The following ADAP1 variants were observed in gnomAD, a reference collection of about 807,000 sequenced individuals.
ADAP1 encodes the protein ArfGAP with dual PH domains 1, also known as arf-GAP with dual PH domain-containing protein 1.
In ADAP1, 31 loss-of-function variants were observed where a neutral mutation model predicts 54.9. The ratio of observed to expected loss-of-function variants is 0.56; its 90% CI spans 0.42 to 0.76. The LOEUF is 0.76. ADAP1 is among the 30% of genes least tolerant of loss of function. The pLI, the probability that ADAP1 is intolerant of heterozygous loss-of-function variation, is 0.00. For missense variants in ADAP1, 535 were observed against 512.4 expected, an observed-to-expected ratio of 1.04 and a Z score of -0.42; for synonymous variants, 313 against 202.6, an observed-to-expected ratio of 1.55 and a Z score of -4.63.
intron 1 of ADAP1, among the ~76,000 whole-genome samples, chr7:942,914 A>T (rs1273804805): frequency 0.012 from 117 of 9,460 alleles, 4 homozygotes; most frequent in African/African-American, 0.052. Context: ...AGGAAGGGAG[A>T]GAGGAGGAGG....
intron 1 of ADAP1, among the ~76,000 whole-genome samples, chr7:951,208 A>AG (rs1246824974): frequency 6.6e-6 from 1 of 151,928 alleles, no homozygotes; most frequent in East Asian, 1.9e-4. Context: ...CCCCATCTCT[A>AG]CTAAAAATAC....
intron 4 of ADAP1, 81 bp downstream of exon 4, chr7:919,887 G>A: frequency 1.2e-6 from 1 of 863,568 alleles, no homozygotes. Context: ...AGATGGGGGA[G>A]GGAGGGAAAG....
rs532111351 is a variant in ADAP1, at chr7:909,830, G to T, written c.389-4658C>A. Among the ~76,000 whole-genome samples the T allele has an allele frequency of 3.3e-5, 5 of 151,982 alleles. No homozygotes were observed. In the South Asian group the frequency reaches 1.0e-3, roughly 32 times the overall value. On this transcript the variant is annotated intron_variant, in intron 4 of 10. Transcript: ENST00000265846. ...CCGCGCCCTGCTGTGAGCTGGTCCCGCTGTGTGTCGGGTCCTATGGTGTGG... is the reference window on the plus strand; with the variant it reads ...CCGCGCCCTGCTGTGAGCTGGTCCCTCTGTGTGTCGGGTCCTATGGTGTGG...
chr7:934,071 T>C (rs373491255), intron 2 of ADAP1, among the ~76,000 whole-genome samples: 2 of 4,790 alleles, frequency 4.2e-4, no homozygotes. Context: ...AGCCGGGGAC[T>C]GGGGTCAGTG....
rs553945809 is a variant in ADAP1, at chr7:918,000, G to A, written c.388+1968C>T. On this transcript the variant is annotated intron_variant, in intron 4 of 10. Transcript: ENST00000265846. ...CATGGGGTTTCGCCACGTTGCTCAG[G>A]CTGGTCTTGAACTCCTGAGATCAGG... 1.2e-3 allele frequency among the ~76,000 whole-genome samples: 177 copies of A among 152,240 alleles called. 1 individual carries two copies. The highest frequency in any genetic ancestry group is 4.0e-3 in the African/African-American group (166 of 41,544).
At chr7:955,286 A>G (rs1267494152), upstream of ADAP1, 18 of 1,549,476 alleles carry the variant, frequency 1.2e-5, no homozygotes, top group Non-Finnish European at 1.4e-5. Context: ...CCTGGTTTTG[A>G]TGTCACCTCT....
At chr7:923,835 C>T (rs950261069) in intron 3 of ADAP1, among the ~76,000 whole-genome samples, 4 of 152,186 alleles carry the variant, frequency 2.6e-5, no homozygotes, top group Admixed American at 6.5e-5. Flanking sequence ...AACTCAGACC[C>T]GGGCTTGTCC....
intron 2 of ADAP1, chr7:927,344 C>A (rs1846425506): frequency 2.3e-6 from 2 of 882,004 alleles, no homozygotes; most frequent in African/African-American, 1.8e-5. Flanking sequence ...CTGGCAATGA[C>A]CCTGCCGCCA....
intron 1 of ADAP1, among the ~76,000 whole-genome samples, chr7:954,128 G>T (rs975220992): frequency 4.6e-5 from 7 of 152,022 alleles, no homozygotes; most frequent in African/African-American, 1.7e-4. Context: ...GCAGCCCGGC[G>T]GGGGAGGGGA....
chr7:949,008 C>G (rs1228157977), intron 1 of ADAP1, among the ~76,000 whole-genome samples: 1 of 152,136 alleles, frequency 6.6e-6, no homozygotes, highest in Non-Finnish European at 1.5e-5. Flanking sequence ...ACTCACAATT[C>G]TTACTCTACC....
At chr7:908,755 C>G (rs1845584259) in intron 4 of ADAP1, among the ~76,000 whole-genome samples, 1 of 152,212 alleles carries the variant, frequency 6.6e-6, no homozygotes, top group Non-Finnish European at 1.5e-5. Context: ...AGCAGCGGGC[C>G]CAGCGGCGCT....
chr7:939,589 G>A (rs1037314430), intron 1 of ADAP1, among the ~76,000 whole-genome samples: 12 of 151,878 alleles, frequency 7.9e-5, no homozygotes, highest in African/African-American at 2.9e-4. Context: ...CCAGCACTTC[G>A]GGAGGCCAAG....
At chr7:906,732 GGGGACAGAGTACATAGGGGACATGGACA>G (rs1845443419) in intron 4 of ADAP1, among the ~76,000 whole-genome samples, 3 of 34,530 alleles carry the variant, frequency 8.7e-5, no homozygotes, top group Non-Finnish European at 1.2e-4. Context: ...ACGGGACATG[GGGGACAGAGTACATAGGGGACATGGACA>G]GGGGACATGG....
In ADAP1 at chr7:926,867, G is replaced by A. The variant is rs1259448424; in HGVS notation, c.214-223C>T. ...GGAAGGAGCCAGCGTCCCTAACGAC[G>A]GGGTCCCGGCAAAGGGGGCCCAGGG... On this transcript the variant is annotated intron_variant, in intron 2 of 10. Transcript: ENST00000265846. The surrounding 1 kb of genome is among the most constrained non-coding windows in gnomAD (Gnocchi z 4.6). The A allele has an allele frequency of 1.7e-5, 15 of 869,144 alleles. No homozygotes were observed. The highest frequency in any genetic ancestry group is 3.7e-4 in the Middle Eastern group (1 of 2,710). The allele number at this position is 869,144 out of a possible 1,614,324, so 53.8% of individuals were successfully genotyped here.
At chr7:917,726 C>G (rs1464980169) in intron 4 of ADAP1, among the ~76,000 whole-genome samples, 1 of 152,122 alleles carries the variant, frequency 6.6e-6, no homozygotes, top group Non-Finnish European at 1.5e-5. Context: ...CCTAGGCCTC[C>G]CAAGGTGCTT....
intron 1 of ADAP1, among the ~76,000 whole-genome samples, chr7:941,650 C>T (rs1303158415): frequency 6.6e-6 from 1 of 152,046 alleles, no homozygotes; most frequent in Non-Finnish European, 1.5e-5. Context: ...TTAAAGAAGA[C>T]CTACAGATTT....
At chr7:923,309 CAG>C (rs1846256208) in intron 3 of ADAP1, 1 of 151,928 alleles carries the variant, frequency 6.6e-6, no homozygotes, top group African/African-American at 2.4e-5. Context: ...CTGGGATGGG[CAG>C]AGAGGAGCCC....
chr7:905,371 G>GGAAAGGGAAAGGA, intron 4 of ADAP1, 199 bp from the exon 5 acceptor site: 1 of 60,156 alleles, frequency 1.7e-5, no homozygotes, highest in Non-Finnish European at 2.7e-5. Context: ...AAAGGGAAAG[G>GGAAAGGGAAAGGA]GAAAGGAGAA....
intron 2 of ADAP1, chr7:935,042 C>T: frequency 6.4e-6 from 3 of 468,576 alleles, no homozygotes; most frequent in Non-Finnish European, 1.3e-5. Flanking sequence ...TCTCTTTTAC[C>T]CTGAGCCCAG....
Sources: allele counts gnomAD v4.1 joint callset (sites outside exome capture counted in the v4.1 genomes callset), GRCh38; gene constraint gnomAD v4.1.1; non-coding constraint Gnocchi (gnomAD v3.1); transcripts MANE v1.5; gene names NCBI Gene and HGNC (gene_info 2026-07-23, HGNC 2026-07-21).